Variants in SLC22A3 observed in about 807,000 individuals in gnomAD.
The protein encoded by SLC22A3 is EMT organic cation transporter 3.
Under a neutral mutation model 59.1 loss-of-function variants are expected in SLC22A3, and 51 were observed. The observed-to-expected ratio is 0.86, with a 90% CI of 0.69 to 1.09. The LOEUF is 1.09. SLC22A3 is among the 50% of genes least tolerant of loss of function. SLC22A3 has a pLI of 0.00. For synonymous variants in SLC22A3, 325 were observed against 292.0 expected, an observed-to-expected ratio of 1.11 and a Z score of -1.15; for missense variants, 711 against 726.3, an observed-to-expected ratio of 0.98 and a Z score of 0.24.
intron 5 of SLC22A3, among the ~76,000 whole-genome samples, chr6:160,414,355 A>C (rs1787381083): frequency 6.6e-6 from 1 of 152,216 alleles, no homozygotes; most frequent in Admixed American, 6.5e-5. Flanking sequence ...TGACACTGAG[A>C]TATAGCTCAT....
chr6:160,357,502 G>A (rs1445892429), intron 1 of SLC22A3, among the ~76,000 whole-genome samples: 1 of 152,184 alleles, frequency 6.6e-6, no homozygotes, highest in Non-Finnish European at 1.5e-5. Context: ...GACAGAAACC[G>A]AAGGGACAAG....
At chr6:160,383,640 G>A (rs1215634033) in intron 1 of SLC22A3, among the ~76,000 whole-genome samples, 2 of 152,038 alleles carry the variant, frequency 1.3e-5, no homozygotes, top group Non-Finnish European at 2.9e-5. Context: ...ACGCAAATGT[G>A]AAAACAAACT....
intron 5 of SLC22A3, among the ~76,000 whole-genome samples, chr6:160,432,673 G>T (rs1180499951): frequency 1.3e-5 from 2 of 152,146 alleles, no homozygotes; most frequent in Middle Eastern, 3.4e-3. Context: ...TGATCCGCCC[G>T]CCTTGGCCTC....
rs1788954615 is a variant in SLC22A3, at chr6:160,451,313, T to G, written c.*257T>G. The G allele has an allele frequency of 2.2e-6, 1 of 458,738 alleles. No individual in the cohort carries two copies. Among genetic ancestry groups the G allele is most frequent in the Admixed American group, 3.4e-5 (1 of 29,128 alleles). The allele number at this position is 458,738 out of a possible 1,614,324, so 28.4% of individuals were successfully genotyped here. ...AAGCTGTCAGGTGCACAGCCCTTCCTGGGTTTTTTTCTTGTGTTCCCTGTG... is the reference window on the plus strand; with the variant it reads ...AAGCTGTCAGGTGCACAGCCCTTCCGGGGTTTTTTTCTTGTGTTCCCTGTG... On this transcript the variant is annotated 3_prime_UTR_variant, in exon 11 of 11. Coordinates refer to ENST00000275300, the MANE Select transcript of SLC22A3 (RefSeq NM_021977.4).
intron 1 of SLC22A3, among the ~76,000 whole-genome samples, chr6:160,356,196 G>T (rs9457910): frequency 1.4e-3 from 218 of 152,188 alleles, no homozygotes; most frequent in African/African-American, 5.0e-3. Context: ...CTCATCCTCC[G>T]CCTTCATCAT....
At chr6:160,367,133 A>G (rs1785233178) in intron 1 of SLC22A3, among the ~76,000 whole-genome samples, 1 of 152,176 alleles carries the variant, frequency 6.6e-6, no homozygotes, top group Admixed American at 6.5e-5. Context: ...GTAATATATA[A>G]AGGAAACAGG....
intron 9 of SLC22A3, 72 bp downstream of exon 9, chr6:160,443,814 G>T: frequency 1.3e-6 from 1 of 761,920 alleles, no homozygotes; most frequent in Non-Finnish European, 2.1e-6. Flanking sequence ...TATAATAATT[G>T]TTAGGTTCAA....
chr6:160,437,082 G>A lies in SLC22A3; in HGVS notation c.1159G>A (p.Gly387Ser). 1 of 1,614,094 alleles carries A rather than the reference G, an allele frequency of 6.2e-7. No homozygotes were observed. Among genetic ancestry groups the A allele is most frequent in the Admixed American group, 1.7e-5 (1 of 60,026 alleles). ...CCTCTATATAGACTTTTTCATCTCG[G>A]GCGTGGTGGAACTGCCAGGAGCTCT... ...GNLYIDFFIS[G>S]VVELPGALLI... The change falls in exon 7 of 11, where the codon GGC (glycine) becomes AGC (serine). Residue 387 changes from glycine to serine, a missense_variant. Transcript: ENST00000275300.
chr6:160,433,579 G>A (rs1300219791), intron 5 of SLC22A3, among the ~76,000 whole-genome samples: 2 of 151,740 alleles, frequency 1.3e-5, no homozygotes, highest in Non-Finnish European at 2.9e-5. Flanking sequence ...GCTGTGGCAT[G>A]CACCTGTGGT....
At chr6:160,425,064 T>C (rs552594610) in intron 5 of SLC22A3, among the ~76,000 whole-genome samples, 1 of 152,316 alleles carries the variant, frequency 6.6e-6, no homozygotes, top group African/African-American at 2.4e-5. Context: ...TGATGTCAAC[T>C]AAGTGAAATA....
chr6:160,384,072 G>A (rs1422306706), intron 1 of SLC22A3, among the ~76,000 whole-genome samples: 1 of 152,132 alleles, frequency 6.6e-6, no homozygotes, highest in African/African-American at 2.4e-5. Context: ...TGGGATTACA[G>A]GCGCACACCA....
At chr6:160,419,218 C>G (rs765367526) in intron 5 of SLC22A3, among the ~76,000 whole-genome samples, 67 of 152,112 alleles carry the variant, frequency 4.4e-4, no homozygotes, top group Non-Finnish European at 7.8e-4. Flanking sequence ...TTAATAGCTA[C>G]CGTCTTTTCT....
intron 1 of SLC22A3, among the ~76,000 whole-genome samples, chr6:160,354,049 G>A (rs555254247): frequency 6.6e-6 from 1 of 152,302 alleles, no homozygotes; most frequent in South Asian, 2.1e-4. Context: ...GAAGCCCACA[G>A]CTGAACCACA....
intron 1 of SLC22A3, among the ~76,000 whole-genome samples, chr6:160,382,120 T>C (rs569731230): frequency 4.2e-4 from 64 of 152,358 alleles, no homozygotes; most frequent in Non-Finnish European, 6.8e-4. Context: ...CCAGTATGAC[T>C]TGTCTTAGAA....
chr6:160,438,157 G>T (rs1301999934), intron 7 of SLC22A3, among the ~76,000 whole-genome samples: 2 of 152,156 alleles, frequency 1.3e-5, no homozygotes, highest in Non-Finnish European at 2.9e-5. Context: ...ATTTTTCAGA[G>T]CTCCATGCCT....
At chr6:160,426,621 G>A (rs1489108968) in intron 5 of SLC22A3, among the ~76,000 whole-genome samples, 2 of 152,178 alleles carry the variant, frequency 1.3e-5, no homozygotes. Flanking sequence ...TCAACTATGT[G>A]TTTTAAGTGT....
intron 2 of SLC22A3, 141 bp downstream of exon 2, chr6:160,398,223 C>A: frequency 1.5e-6 from 1 of 658,860 alleles, no homozygotes; most frequent in South Asian, 1.5e-5. Context: ...TCATGACATC[C>A]ACACTTGGTT....
intron 1 of SLC22A3, among the ~76,000 whole-genome samples, chr6:160,378,681 A>G (rs1785685265): frequency 6.6e-6 from 1 of 152,234 alleles, no homozygotes; most frequent in Admixed American, 6.5e-5. Flanking sequence ...TGAAAAATGC[A>G]TTTAATATAC....
chr6:160,398,089 AC>A lies in SLC22A3; in HGVS notation c.533+9del. The A allele has an allele frequency of 6.3e-7, 1 of 1,597,232 alleles. No homozygotes were observed. The highest frequency in any genetic ancestry group is 1.1e-5 in the South Asian group (1 of 90,732). On this transcript the variant is annotated splice_region_variant and intron_variant, in intron 2 of 10. Transcript: ENST00000275300. ...TAGGCTATGCAGCAGACAGGTAGGT[AC>A]CAATGTGACAGCCATTTTATGTCAC...
Sources: gnomAD v4.1 joint callset for allele counts (sites outside exome capture counted in the v4.1 genomes callset) on GRCh38, gnomAD v4.1.1 for gene constraint, MANE v1.5 for transcripts, NCBI Gene and HGNC (gene_info 2026-07-23, HGNC 2026-07-21) for gene names.